The following MRM2 variants were observed in gnomAD, a reference collection of about 807,000 sequenced individuals.
MRM2 encodes rRNA methyltransferase 2, mitochondrial.
MRM2 carries 15 observed loss-of-function variants against 10.9 expected under a neutral mutation model. The observed-to-expected ratio is 1.37, with a 90% CI of 0.92 to 2.11. The LOEUF is 2.11. MRM2 is among the 30% of genes most tolerant of loss of function. The pLI, the probability that MRM2 is intolerant of heterozygous loss-of-function variation, is 0.00. For synonymous variants in MRM2, 139 were observed against 128.7 expected, an observed-to-expected ratio of 1.08 and a Z score of -0.54; for missense variants, 328 against 321.3, an observed-to-expected ratio of 1.02 and a Z score of -0.16.
At chr7:2,241,927 C>A (rs1298659988) in intron 1 of MRM2, 4 of 468,524 alleles carry the variant, frequency 8.5e-6, no homozygotes, top group Admixed American at 4.5e-5. Flanking sequence ...TGGACTCCGC[C>A]GCCGGCCCCG....
At chr7:2,236,256 A>G (rs1327428154) in intron 2 of MRM2, among the ~76,000 whole-genome samples, 1 of 152,228 alleles carries the variant, frequency 6.6e-6, no homozygotes, top group African/African-American at 2.4e-5. Context: ...GAAAAAGAAA[A>G]TAATAAACTA....
Position 2,239,763 on chromosome 7 carries a change from G to C in MRM2, c.9-56C>G, listed in dbSNP as rs73675845. On this transcript the variant is annotated intron_variant, in intron 1 of 2. Transcript: ENST00000242257. ...GGCATCACACAGAACGGCAGGTCAT[G>C]AGCTGGGAGGGCCCTCGGATCAACT... 6,317 of 1,506,792 alleles carry C rather than the reference G, an allele frequency of 4.2e-3. 215 individuals are homozygous for C. The African/African-American group carries it at 0.074, about 18-fold the overall frequency. The allele number at this position is 1,506,792 out of a possible 1,614,324, so 93.3% of individuals were successfully genotyped here. A position where few individuals can be genotyped will look rare whatever the true frequency, so the allele number is the denominator to read the frequency against.
At chr7:2,235,655 T>G in intron 2 of MRM2, 91 bp from the exon 3 acceptor site, 1 of 927,182 alleles carries the variant, frequency 1.1e-6, no homozygotes, top group Admixed American at 2.6e-5. Context: ...GAAATAAAAA[T>G]AAAATGTCAA....
chr7:2,237,256 C>T (rs547046448), intron 2 of MRM2, among the ~76,000 whole-genome samples: 1 of 152,336 alleles, frequency 6.6e-6, no homozygotes, highest in African/African-American at 2.4e-5. Context: ...CCTTGGCCTC[C>T]CAAAGTACTG....
chr7:2,235,618 A>G (rs541945540), intron 2 of MRM2, 54 bp from the exon 3 acceptor site: 52 of 1,224,974 alleles, frequency 4.2e-5, no homozygotes, highest in Non-Finnish European at 5.7e-5. Context: ...TCTTTTTACA[A>G]AAATACAGTA....
At chr7:2,236,771 C>A (rs1202636043) in intron 2 of MRM2, among the ~76,000 whole-genome samples, 1 of 152,138 alleles carries the variant, frequency 6.6e-6, no homozygotes, top group Non-Finnish European at 1.5e-5. Context: ...TGACTGTACC[C>A]TTAGCTTATC....
At chr7:2,237,598 C>T (rs1794440001) in intron 2 of MRM2, among the ~76,000 whole-genome samples, 1 of 152,158 alleles carries the variant, frequency 6.6e-6, no homozygotes, top group African/African-American at 2.4e-5. Flanking sequence ...ACATTTCCAA[C>T]ACAAATTCAC....
intron 2 of MRM2, among the ~76,000 whole-genome samples, chr7:2,236,850 G>A (rs1400180028): frequency 3.9e-5 from 6 of 152,106 alleles, no homozygotes; most frequent in Non-Finnish European, 7.4e-5. Context: ...AGATGGGGGC[G>A]TTGGGCTTGT....
chr7:2,241,871 CG>C (rs1562403506), intron 1 of MRM2: 2 of 407,672 alleles, frequency 4.9e-6, no homozygotes, highest in Non-Finnish European at 8.7e-6. Flanking sequence ...GCCCCGGGCT[CG>C]CCCCCGGCGC....
intron 2 of MRM2, among the ~76,000 whole-genome samples, chr7:2,237,328 A>G (rs1324678530): frequency 1.3e-5 from 2 of 152,016 alleles, no homozygotes; most frequent in Non-Finnish European, 2.9e-5. Context: ...CTGAGCTTTC[A>G]CTCCTATAAT....
chr7:2,240,936 T>C (rs558434284), intron 1 of MRM2, among the ~76,000 whole-genome samples: 2 of 152,320 alleles, frequency 1.3e-5, no homozygotes, highest in African/African-American at 2.4e-5. Context: ...CCTCCGCTGA[T>C]CTGCCCGCCT....
At position 2,242,156 on chromosome 7, in the gene MRM2, G is replaced by T; in HGVS notation, c.8+6C>A. 1 of 1,583,518 alleles carries T rather than the reference G, an allele frequency of 6.3e-7. No individual in the cohort carries two copies. Reference sequence around the variant, plus strand: ...TCTGCACGCGCAGCAGCAGCGCCCAGCTCACCCCGCCATTGGTGTTCCCCG... The same window carrying T: ...TCTGCACGCGCAGCAGCAGCGCCCATCTCACCCCGCCATTGGTGTTCCCCG... On this transcript the variant is annotated splice_donor_region_variant and intron_variant, in intron 1 of 2. Transcript: ENST00000242257.
chr7:2,239,408 A>G lies in MRM2; in HGVS notation c.298+10T>C. The G allele has an allele frequency of 6.3e-7, 1 of 1,596,918 alleles. No homozygotes were observed. The highest frequency in any genetic ancestry group is 8.5e-7 in the Non-Finnish European group (1 of 1,171,648). On this transcript the variant is annotated intron_variant, in intron 2 of 2. Coordinates refer to ENST00000242257, the MANE Select transcript of MRM2 (RefSeq NM_013393.3). ...AGCCAGAAGGTGCCAACAGCAGTGC[A>G]GAGGCCCACCTGTGCCTGCGGCGTT...
Position 2,235,148 on chromosome 7 carries a change from C to T in MRM2, c.715G>A (p.Gly239Arg), listed in dbSNP as rs116841803. Residue 239 changes from glycine to arginine, a missense_variant, in exon 3 of 3, where the codon GGA (glycine) becomes AGA (arginine). Transcript: ENST00000242257. Reference sequence around the variant, plus strand: ...CACTGCTTCACAGTGCCCTTCCTTCCGTGGTACTGTGTGGCCAAGAAGTAC... The same window carrying T: ...CACTGCTTCACAGTGCCCTTCCTTCTGTGGTACTGTGTGGCCAAGAAGTAC... ...EVYFLATQYH[G>R]RKGTVKQ 478 of 1,613,674 alleles carry T rather than the reference C, an allele frequency of 3.0e-4. 3 individuals carry two copies. The East Asian group carries it at 8.0e-3, about 27-fold the overall frequency.
At chr7:2,240,119 G>C (rs1237432167) in intron 1 of MRM2, among the ~76,000 whole-genome samples, 1 of 152,200 alleles carries the variant, frequency 6.6e-6, no homozygotes, top group Non-Finnish European at 1.5e-5. Context: ...CTACTCGGGA[G>C]GCTGAAGCAG....
At chr7:2,238,607 A>T (rs964028927) in intron 2 of MRM2, 1 of 152,200 alleles carries the variant, frequency 6.6e-6, no homozygotes, top group African/African-American at 2.4e-5. Flanking sequence ...CGACTTGGAA[A>T]TTTAGCTGTG....
intron 2 of MRM2, chr7:2,238,115 T>C (rs976618429): frequency 6.6e-6 from 1 of 152,226 alleles, no homozygotes; most frequent in East Asian, 1.9e-4. Context: ...TTCTCACCAA[T>C]AAATGGGGAC....
At chr7:2,240,120 G>A (rs745605769) in intron 1 of MRM2, among the ~76,000 whole-genome samples, 2 of 152,164 alleles carry the variant, frequency 1.3e-5, no homozygotes, top group Admixed American at 6.5e-5. Context: ...TACTCGGGAG[G>A]CTGAAGCAGG....
chr7:2,235,706 G>A (rs999270886), intron 2 of MRM2, 142 bp from the exon 3 acceptor site: 45 of 630,580 alleles, frequency 7.1e-5, no homozygotes, highest in Non-Finnish European at 1.2e-4. Context: ...GTAAACACAG[G>A]CCTTCTCTAT....
Sources: allele counts gnomAD v4.1 joint callset (sites outside exome capture counted in the v4.1 genomes callset), GRCh38; gene constraint gnomAD v4.1.1; transcripts MANE v1.5; gene names NCBI Gene and HGNC (gene_info 2026-07-23, HGNC 2026-07-21).